Variants in SLFN12L observed in about 807,000 individuals in gnomAD.
SLFN12L encodes the protein schlafen family member 12-like.
SLFN12L carries 34 observed loss-of-function variants against 34.8 expected under a neutral mutation model. The ratio of observed to expected loss-of-function variants is 0.98; its 90% confidence interval spans 0.74 to 1.30. The LOEUF (loss-of-function observed/expected upper bound fraction) is 1.30. Among genes scored for constraint, SLFN12L ranks in the 50% most tolerant of loss-of-function variants. SLFN12L has a pLI of 0.00. For missense variants in SLFN12L, 703 were observed against 696.2 expected, an observed-to-expected ratio of 1.01 and a Z score of -0.11; for synonymous variants, 259 against 247.5, an observed-to-expected ratio of 1.05 and a Z score of -0.44.
intron 4 of SLFN12L, among the ~76,000 whole-genome samples, chr17:35,477,345 T>C (rs1187759626): frequency 6.6e-6 from 1 of 152,084 alleles, no homozygotes; most frequent in Non-Finnish European, 1.5e-5. Flanking sequence ...AACAGAAATA[T>C]CTTTATAACC....
intron 2 of SLFN12L, 94 bp from the exon 3 acceptor site, chr17:35,480,289 T>C: frequency 1.0e-6 from 1 of 964,956 alleles, no homozygotes; most frequent in South Asian, 1.8e-5. Flanking sequence ...TACTGTATAT[T>C]TTCCACTAGA....
intron 2 of SLFN12L, chr17:35,500,184 G>A (rs1281151886): frequency 1.3e-5 from 2 of 152,124 alleles, no homozygotes; most frequent in Non-Finnish European, 2.9e-5. Context: ...CAGTTAGTAT[G>A]GCCTTTGAAT....
rs1208567137 is a variant in SLFN12L, at chr17:35,491,253, G to A, written c.87-11058C>T. 6.6e-6 allele frequency: 7 copies of A among 1,053,496 alleles called. No homozygotes were observed. In the East Asian group the frequency reaches 7.4e-5, roughly 11 times the overall value. 65.3% of individuals were successfully genotyped at this position (1,053,496 alleles called of 1,614,324 possible). A position where few individuals can be genotyped will look rare whatever the true frequency, so the allele number is the denominator to read the frequency against. ...TCAAGTGTAGTTGATTATGCTTCATGTGAACTCTCCTTAAAAACCAATTTT... is the reference window on the plus strand; with the variant it reads ...TCAAGTGTAGTTGATTATGCTTCATATGAACTCTCCTTAAAAACCAATTTT... On this transcript the variant is annotated intron_variant, in intron 2 of 4. Transcript: ENST00000628453.
chr17:35,530,518 A>AG (rs2072398290), intron 1 of SLFN12L, among the ~76,000 whole-genome samples: 1 of 34,932 alleles, frequency 2.9e-5, no homozygotes, highest in African/African-American at 8.5e-5. Flanking sequence ...GAAAGAAAAG[A>AG]AAAGAAAAGA....
intron 1 of SLFN12L, among the ~76,000 whole-genome samples, chr17:35,526,440 T>C (rs538437645): frequency 1.1e-3 from 161 of 152,300 alleles, no homozygotes; most frequent in Non-Finnish European, 1.8e-3. Flanking sequence ...TATTCTAAAA[T>C]TGACCACATA....
chr17:35,475,634 C>T, intron 4 of SLFN12L, 149 bp from the exon 5 acceptor site: 2 of 1,276,516 alleles, frequency 1.6e-6, no homozygotes, highest in East Asian at 2.5e-5. Context: ...CATGGTGGCT[C>T]ACACCTGTAA....
rs1427939080 is a variant in SLFN12L at position 35,522,539 on chromosome 17, G to T, written c.-175C>A. ...ACCTGAAGCCGAGCAAGACAATCAC[G>T]AGGGACTGCAGCAGGGCTTCCAATG... On this transcript the variant is annotated 5_prime_UTR_variant, in exon 2 of 5. Coordinates refer to ENST00000628453, the MANE Select transcript of SLFN12L (RefSeq NM_001363830.2). 5.0e-6 allele frequency: 8 copies of T among 1,611,682 alleles called. No individual in the cohort carries two copies. The Admixed American group carries it at 1.0e-4, about 20-fold the overall frequency.
chr17:35,522,886 T>C lies in SLFN12L; in HGVS notation c.-522A>G, dbSNP rs1916041348. 3.9e-6 allele frequency: 3 copies of C among 778,470 alleles called. No individual in the cohort carries two copies. The Admixed American group carries it at 7.1e-5, about 19-fold the overall frequency. 48.2% of individuals were successfully genotyped at this position (778,470 alleles called of 1,614,324 possible). ...CAGGAGAAAGGTTGGGTTTGCTTAT[T>C]TATTAACTCCTCTAATCCTTCATTC... On this transcript the variant is annotated 5_prime_UTR_variant, in exon 2 of 5. Coordinates refer to ENST00000628453, the MANE Select transcript of SLFN12L (RefSeq NM_001363830.2).
chr17:35,496,831 C>G (rs777625014), intron 2 of SLFN12L, among the ~76,000 whole-genome samples: 1 of 152,148 alleles, frequency 6.6e-6, no homozygotes, highest in Non-Finnish European at 1.5e-5. Flanking sequence ...GTGCAGGGAG[C>G]GGGTCACCCA....
In SLFN12L at chr17:35,474,693, G is replaced by T. The variant is rs1023962100; in HGVS notation, c.*230C>A. 37 of 374,872 alleles carry T rather than the reference G, an allele frequency of 9.9e-5. No individual in the cohort carries two copies. Among genetic ancestry groups the T allele is most frequent in the East Asian group, 2.2e-4 (4 of 18,482 alleles). The allele number at this position is 374,872 out of a possible 1,614,324, so 23.2% of individuals were successfully genotyped here. ...TCCTAGCACTTTGGGAGACCGGGGG[G>T]GGGGGTTGAATCACGAGGTCAGGAG... On this transcript the variant is annotated 3_prime_UTR_variant, in exon 5 of 5. Coordinates refer to ENST00000628453, the MANE Select transcript of SLFN12L (RefSeq NM_001363830.2).
At chr17:35,496,030 G>T (rs1281892013) in intron 2 of SLFN12L, among the ~76,000 whole-genome samples, 1 of 151,942 alleles carries the variant, frequency 6.6e-6, no homozygotes, top group African/African-American at 2.4e-5. Flanking sequence ...CCGATGCTGA[G>T]GTCTCGCCTA....
intron 2 of SLFN12L, among the ~76,000 whole-genome samples, chr17:35,484,903 C>T (rs1914517252): frequency 6.6e-6 from 1 of 152,168 alleles, no homozygotes; most frequent in Admixed American, 6.5e-5. Flanking sequence ...CTGATTCCAT[C>T]TCCTTACTAG....
chr17:35,481,069 A>G (rs1914316950), intron 2 of SLFN12L, among the ~76,000 whole-genome samples: 1 of 152,244 alleles, frequency 6.6e-6, no homozygotes, highest in African/African-American at 2.4e-5. Context: ...ACATGATGAA[A>G]AGTGACCAGA....
At chr17:35,501,401 G>A (rs975298644) in intron 2 of SLFN12L, among the ~76,000 whole-genome samples, 1 of 152,250 alleles carries the variant, frequency 6.6e-6, no homozygotes, top group Non-Finnish European at 1.5e-5. Context: ...ATCACCCACA[G>A]CGTGCCTGTA....
chr17:35,476,005 G>A (rs1326103845), intron 4 of SLFN12L, among the ~76,000 whole-genome samples: 1 of 151,228 alleles, frequency 6.6e-6, no homozygotes, highest in Non-Finnish European at 1.5e-5. Context: ...ATACAAGCAG[G>A]ACTTAAAGGG....
chr17:35,532,697 G>GC (rs1233393884), intron 1 of SLFN12L, among the ~76,000 whole-genome samples: 10 of 152,136 alleles, frequency 6.6e-5, no homozygotes, highest in Admixed American at 3.3e-4. Context: ...TTCAAGACCA[G>GC]CCTGGCTAAC....
At chr17:35,478,246 GCTAA>G (rs1269997640) in intron 3 of SLFN12L, 61 bp from the exon 4 acceptor site, 2 of 1,022,644 alleles carry the variant, frequency 2.0e-6, no homozygotes, top group Non-Finnish European at 3.0e-6. Context: ...AGAGACTCAA[GCTAA>G]CTAATGCACA....
At chr17:35,515,380 T>C (rs886488085) in intron 2 of SLFN12L, among the ~76,000 whole-genome samples, 2 of 152,248 alleles carry the variant, frequency 1.3e-5, no homozygotes, top group South Asian at 2.1e-4. Flanking sequence ...GAGAGAGTCA[T>C]GTGTATAGGA....
At chr17:35,497,047 G>T (rs1052241936) in intron 2 of SLFN12L, among the ~76,000 whole-genome samples, 1 of 152,156 alleles carries the variant, frequency 6.6e-6, no homozygotes, top group African/African-American at 2.4e-5. Flanking sequence ...CGGGAGGATT[G>T]CTTGAGCCTA....
Sources: gnomAD v4.1 joint callset for allele counts (sites outside exome capture counted in the v4.1 genomes callset) on GRCh38, gnomAD v4.1.1 for gene constraint, MANE v1.5 for transcripts, NCBI Gene and HGNC (gene_info 2026-07-23, HGNC 2026-07-21) for gene names.